RTN4: variants seen among roughly 807,000 people sequenced by gnomAD.
The protein encoded by RTN4 is reticulon 4, also known as reticulon-4.
In RTN4, 32 loss-of-function variants were observed where a neutral mutation model predicts 90.4. The ratio of observed to expected loss-of-function variants is 0.35; its 90% CI spans 0.27 to 0.48. RTN4 has a LOEUF of 0.48. Ranked by LOEUF, RTN4 falls within the 20% of genes least tolerant of loss-of-function variation. The pLI is 0.99. For missense variants in RTN4, 1,706 were observed against 1,430.2 expected (o/e 1.19, Z -3.11); for synonymous variants, 629 against 552.5 (o/e 1.14, Z -1.94).
chr2:55,059,026 A>G (rs1375394131), intron 2 of RTN4, among the ~76,000 whole-genome samples: 1 of 152,064 alleles, frequency 6.6e-6, no homozygotes, highest in South Asian at 2.1e-4. Context: ...TGGCTTTCAG[A>G]AGGTAGTGTG....
At chr2:55,089,105 T>C (rs554482306) in intron 1 of RTN4, among the ~76,000 whole-genome samples, 2 of 152,154 alleles carry the variant, frequency 1.3e-5, no homozygotes, top group South Asian at 2.1e-4. Context: ...GTATTTTTAA[T>C]AGAGATGGGG....
intron 1 of RTN4, among the ~76,000 whole-genome samples, chr2:55,091,521 C>A (rs1307333661): frequency 2.0e-5 from 3 of 152,122 alleles, no homozygotes; most frequent in Non-Finnish European, 4.4e-5. Context: ...TTTCATCTTC[C>A]TGTCCTCATT....
Position 55,025,844 on chromosome 2 carries a change from G to C in RTN4, c.2255C>G (p.Ser752Ter). 6.2e-7 allele frequency: 1 copy of C among 1,613,700 alleles called. No individual in the cohort carries two copies. The highest frequency in any genetic ancestry group is 8.5e-7 in the Non-Finnish European group (1 of 1,179,836). The change falls in exon 3 of 9, where the codon TCA (serine) becomes TGA (stop). Residue 752 changes from serine to a stop codon, truncating the protein, a stop_gained. Coordinates refer to ENST00000337526, the MANE Select transcript of RTN4 (RefSeq NM_020532.5). LOFTEE classifies it high-confidence loss of function. The stretch of plus-strand genomic sequence containing the variant: ...TTGTTTTTGTGGAACGTCAGGTATT[G>C]AATCATCACTAAATAAGTCAACTGG... The part of the protein sequence containing the change: ...SEPVDLFSDD[S>*]IPDVPQKQDE...
Position 55,025,364 on chromosome 2 carries a change from C to G in RTN4, c.2735G>C (p.Cys912Ser), listed in dbSNP as rs201479450. 1 of 1,613,936 alleles carries G rather than the reference C, an allele frequency of 6.2e-7. No homozygotes were observed. Among genetic ancestry groups the G allele is most frequent in the South Asian group, 1.1e-5 (1 of 91,078 alleles). Residue 912 changes from cysteine to serine, a missense_variant, in exon 3 of 9, where the codon TGC becomes TCC. Coordinates refer to ENST00000337526, the MANE Select transcript of RTN4 (RefSeq NM_020532.5). ...AGAAAGGTCATGGGGCAATTCTGTG[C>G]AAGGCAATGACCCAGCTCCATCCGG... ...NAPDGAGSLP[C>S]TELPHDLSLK...
At chr2:54,990,792 CTT>C (rs940333477) in intron 3 of RTN4, among the ~76,000 whole-genome samples, 1 of 147,104 alleles carries the variant, frequency 6.8e-6, no homozygotes, top group African/African-American at 2.5e-5. Flanking sequence ...TTTTCTTTTA[CTT>C]TTTTTTTTTG....
At chr2:55,079,379 T>C (rs1244089564) in intron 2 of RTN4, among the ~76,000 whole-genome samples, 5 of 152,166 alleles carry the variant, frequency 3.3e-5, no homozygotes, top group Admixed American at 1.3e-4. Flanking sequence ...AGAGTTTTTT[T>C]TGTTTTGTTT....
chr2:55,025,415 G>T lies in RTN4; in HGVS notation c.2684C>A (p.Ser895Tyr), dbSNP rs1681758982. The change falls in exon 3 of 9, where the codon TCC becomes TAC. Residue 895 changes from serine (S) to tyrosine (Y), a missense_variant. Ser to Tyr is a moderately radical substitution (Grantham distance 144). Coordinates refer to ENST00000337526, the MANE Select transcript of RTN4 (RefSeq NM_020532.5). ...GGCATTAGCAATTTCACTTTTGTGG[G>T]ATACTTCTAGGTCAGTATATTCCCT... ...LAREYTDLEV[S>Y]HKSEIANAPD... 1 of 1,613,772 alleles carries T rather than the reference G, an allele frequency of 6.2e-7. No individual in the cohort carries two copies. The highest frequency in any genetic ancestry group is 8.5e-7 in the Non-Finnish European group (1 of 1,179,882).
intron 2 of RTN4, among the ~76,000 whole-genome samples, chr2:55,076,106 C>G (rs2105022999): frequency 6.6e-6 from 1 of 152,220 alleles, no homozygotes; most frequent in South Asian, 2.1e-4. Flanking sequence ...AAAAAAGCTC[C>G]TGCACAGCAA....
intron 2 of RTN4, among the ~76,000 whole-genome samples, chr2:55,061,598 G>T (rs1445541824): frequency 6.6e-6 from 1 of 152,164 alleles, no homozygotes; most frequent in Non-Finnish European, 1.5e-5. Flanking sequence ...ATGTTAAAGA[G>T]ACAGAAACAG....
chr2:54,992,016 C>T (rs1375159184), intron 3 of RTN4, among the ~76,000 whole-genome samples: 1 of 152,146 alleles, frequency 6.6e-6, no homozygotes, highest in Admixed American at 6.5e-5. Context: ...GTAGCCTATA[C>T]AACATTATCT....
chr2:55,009,664 AT>A (rs200536505), intron 3 of RTN4, among the ~76,000 whole-genome samples: 55 of 152,348 alleles, frequency 3.6e-4, no homozygotes, highest in African/African-American at 1.3e-3. Flanking sequence ...CAAACACAAT[AT>A]CTTGCTACCT....
chr2:55,077,995 T>C (rs566283915), intron 2 of RTN4, among the ~76,000 whole-genome samples: 115 of 151,816 alleles, frequency 7.6e-4, no homozygotes, highest in African/African-American at 2.5e-3. Flanking sequence ...CCATGGACGT[T>C]TGGGGACTTT....
chr2:55,027,489 T>A lies in RTN4; in HGVS notation c.614-4A>T. ...TGCTCCTTCAAGTCCATATTTTCTG[T>A]GACCATGGACAGAAAGGAAAGTTAG... On this transcript the variant is annotated splice_polypyrimidine_tract_variant and splice_region_variant and intron_variant, in intron 2 of 8. Coordinates refer to ENST00000337526, the MANE Select transcript of RTN4 (RefSeq NM_020532.5). 1 of 1,596,664 alleles carries A rather than the reference T, an allele frequency of 6.3e-7. No homozygotes were observed. The highest frequency in any genetic ancestry group is 8.5e-7 in the Non-Finnish European group (1 of 1,172,398).
At chr2:55,050,696 A>C, upstream of RTN4, 1 of 161,204 alleles carries the variant, frequency 6.2e-6, no homozygotes, top group Non-Finnish European at 1.4e-5. This position sits in a 1 kb window ranked among gnomAD's most constrained non-coding sequence, Gnocchi z 4.6. Flanking sequence ...GGTGGGGACT[A>C]CGGCACTTCC....
the RTN4 span, among the ~76,000 whole-genome samples, chr2:55,121,186 G>T: frequency 6.6e-6 from 1 of 152,204 alleles, no homozygotes; most frequent in African/African-American, 2.4e-5. Context: ...CATGGGACTG[G>T]AAATAGACCA....
At chr2:55,036,599 CAAAAAAAAAAAAAA>C (rs71410411) in intron 1 of RTN4, among the ~76,000 whole-genome samples, 1 of 72,988 alleles carries the variant, frequency 1.4e-5, no homozygotes, top group Non-Finnish European at 2.6e-5. Context: ...AAGACTGTCT[CAAAAAAAAAAAAAA>C]AAAAAAAAAA....
chr2:55,045,766 T>G (rs774552051), intron 1 of RTN4, among the ~76,000 whole-genome samples: 6 of 152,128 alleles, frequency 3.9e-5, no homozygotes, highest in Admixed American at 3.9e-4. Context: ...AATTTGGCAT[T>G]CAGTATCTTT....
chr2:55,066,733 G>T (rs972487257), intron 2 of RTN4, among the ~76,000 whole-genome samples: 1 of 133,838 alleles, frequency 7.5e-6, no homozygotes, highest in Admixed American at 7.4e-5. Flanking sequence ...AATAAATAAA[G>T]CCTACTTTAC....
Position 54,974,715 on chromosome 2 carries a change from C to T in RTN4, c.3410G>A (p.Gly1137Asp). The T allele has an allele frequency of 6.2e-7, 1 of 1,613,854 alleles. No individual in the cohort carries two copies. The highest frequency in any genetic ancestry group is 8.5e-7 in the Non-Finnish European group (1 of 1,179,738). ...CTTACCCAAAATCAGTAGTGTCAGA[C>T]CATTAAACAAGGCACCAACATAGGT... ...VFTYVGALFNGLTLLILALIS... is the reference protein window; with the variant it reads ...VFTYVGALFNDLTLLILALIS... The change falls in exon 6 of 9, where the codon GGT becomes GAT. Residue 1137 changes from glycine (G) to aspartate (D), a missense_variant. Gly to Asp is a moderately conservative substitution (Grantham distance 94). Transcript: ENST00000337526.
Sources: gnomAD v4.1 joint callset for allele counts (sites outside exome capture counted in the v4.1 genomes callset) on GRCh38, gnomAD v4.1.1 for gene constraint, Gnocchi (gnomAD v3.1) non-coding constraint, MANE v1.5 for transcripts, NCBI Gene and HGNC (gene_info 2026-07-23, HGNC 2026-07-21) for gene names.